The following NDST1 variants were observed in gnomAD, a reference collection of about 807,000 sequenced individuals.
NDST1 encodes bifunctional heparan sulfate N-deacetylase/N-sulfotransferase 1.
NDST1 carries 35 observed loss-of-function variants against 92.8 expected under a neutral mutation model. That is an observed-to-expected ratio of 0.38 (90% CI 0.29 to 0.50). The LOEUF (loss-of-function observed/expected upper bound fraction) is 0.50, where lower values mean the gene tolerates loss of function less well. Ranked by LOEUF, NDST1 falls within the 20% of genes least tolerant of loss-of-function variation. The pLI is 0.94. For synonymous variants in NDST1, 493 were observed against 500.3 expected, an observed-to-expected ratio of 0.99 and a Z score of 0.19; for missense variants, 822 against 1,182.7, an observed-to-expected ratio of 0.69 and a Z score of 4.47.
intron 5 of NDST1, 63 bp from the exon 6 acceptor site, chr5:150,535,637 G>T: frequency 6.3e-7 from 1 of 1,579,092 alleles, no homozygotes; most frequent in Non-Finnish European, 8.7e-7. Flanking sequence ...TCTACAAAGG[G>T]GGGATAAGGC....
chr5:150,545,991 C>CTTTTTTTTT (rs34937690), intron 11 of NDST1, among the ~76,000 whole-genome samples: 1 of 83,690 alleles, frequency 1.2e-5, no homozygotes, highest in Non-Finnish European at 2.3e-5. Context: ...CCAGAGCTGT[C>CTTTTTTTTT]TTTTTTTTTT....
Position 150,521,554 on chromosome 5 carries a change from G to A in NDST1, c.300G>A (p.Val100=). ...TCTACTCGCAACTGGGCCAGGAGGTGGTGGCCATCCTGGAGTCCAGCCGCT... is the reference window on the plus strand; with the variant it reads ...TCTACTCGCAACTGGGCCAGGAGGTAGTGGCCATCCTGGAGTCCAGCCGCT... ...ESLYSQLGQE[V]VAILESSRFK... Residue 100 remains valine (V), a synonymous_variant, in exon 2 of 15, where the codon GTG becomes GTA. Coordinates refer to ENST00000261797, the MANE Select transcript of NDST1 (RefSeq NM_001543.5). The surrounding 1 kb of genome is among the most constrained non-coding windows in gnomAD (Gnocchi z 5.9). 6.2e-7 allele frequency: 1 copy of A among 1,614,006 alleles called. No homozygotes were observed.
chr5:150,553,732 G>T lies in NDST1; in HGVS notation c.*400G>T. On this transcript the variant is annotated 3_prime_UTR_variant, in exon 15 of 15. Coordinates refer to ENST00000261797, the MANE Select transcript of NDST1 (RefSeq NM_001543.5). The surrounding 1 kb of genome is among the most constrained non-coding windows in gnomAD (Gnocchi z 4.2). Reference sequence around the variant, plus strand: ...GCTGCCATATGTCCCTGTCCTCCAGGCTGTAGGGGAGGAGAGCCTGGCCGG... The same window carrying T: ...GCTGCCATATGTCCCTGTCCTCCAGTCTGTAGGGGAGGAGAGCCTGGCCGG... The T allele has an allele frequency of 2.4e-6, 1 of 414,330 alleles. No homozygotes were observed. The highest frequency in any genetic ancestry group is 4.5e-6 in the Non-Finnish European group (1 of 219,914). The allele number at this position is 414,330 out of a possible 1,614,324, so 25.7% of individuals were successfully genotyped here.
chr5:150,554,220 G>C lies in NDST1; in HGVS notation c.*888G>C. The C allele has an allele frequency of 2.5e-6, 1 of 398,028 alleles. No homozygotes were observed. The highest frequency in any genetic ancestry group is 6.3e-4 in the Middle Eastern group (1 of 1,584). 24.7% of individuals were successfully genotyped at this position (398,028 alleles called of 1,614,324 possible). A position where few individuals can be genotyped will look rare whatever the true frequency, so the allele number is the denominator to read the frequency against. On this transcript the variant is annotated 3_prime_UTR_variant, in exon 15 of 15. Coordinates refer to ENST00000261797, the MANE Select transcript of NDST1 (RefSeq NM_001543.5). The stretch of plus-strand genomic sequence containing the variant: ...TTTGCTTAGCCACCTGTGGCCGAGG[G>C]CTCTCAGAGACCCCCTTAACCTCCC...
chr5:150,535,169 T>C, intron 5 of NDST1, 148 bp downstream of exon 5: 2 of 1,322,320 alleles, frequency 1.5e-6, no homozygotes, highest in Non-Finnish European at 2.1e-6. Context: ...GCTGCCTTTA[T>C]AGCCACTGTC....
intron 13 of NDST1, 34 bp from the exon 14 acceptor site, chr5:150,551,719 C>T (rs775535730): frequency 6.2e-7 from 1 of 1,608,882 alleles, no homozygotes; most frequent in Admixed American, 1.7e-5. Context: ...GTGGCTGAGC[C>T]AGCTCCCATC....
intron 4 of NDST1, among the ~76,000 whole-genome samples, chr5:150,534,568 C>G (rs996982564): frequency 6.6e-6 from 1 of 152,342 alleles, no homozygotes; most frequent in Admixed American, 6.5e-5. Flanking sequence ...GCAGGTATGT[C>G]AGAGGTAGAA....
chr5:150,541,134 C>T (rs1293749521), intron 8 of NDST1, among the ~76,000 whole-genome samples: 1 of 152,232 alleles, frequency 6.6e-6, no homozygotes, highest in Admixed American at 6.5e-5. Context: ...CAGACAGCCA[C>T]GCTCATTCTT....
intron 1 of NDST1, among the ~76,000 whole-genome samples, chr5:150,518,343 A>G (rs1207558310): frequency 6.7e-6 from 1 of 148,806 alleles, no homozygotes; most frequent in Admixed American, 6.8e-5. Flanking sequence ...GCAGATGCCT[A>G]TTTTCTTGGC....
intron 1 of NDST1, among the ~76,000 whole-genome samples, chr5:150,512,728 C>T (rs1434581814): frequency 6.6e-6 from 1 of 152,238 alleles, no homozygotes. Flanking sequence ...CTTATATTAC[C>T]ATGTGCCAGG....
chr5:150,519,929 G>A (rs1754164626), intron 1 of NDST1, among the ~76,000 whole-genome samples: 1 of 152,100 alleles, frequency 6.6e-6, no homozygotes, highest in African/African-American at 2.4e-5. Flanking sequence ...GGGGGAGGCT[G>A]GAACCCAGAG....
At position 150,523,762 on chromosome 5, in the gene NDST1, A is replaced by G. The variant is rs574835230; in HGVS notation, c.513+1995A>G. ...GGAGCTTGGGCGCTGTCTGGCCCCAATTCCTTGCTCTGCAGAAGGTAAACA... is the reference window on the plus strand; with the variant it reads ...GGAGCTTGGGCGCTGTCTGGCCCCAGTTCCTTGCTCTGCAGAAGGTAAACA... On this transcript the variant is annotated intron_variant, in intron 2 of 14. Coordinates refer to ENST00000261797, the MANE Select transcript of NDST1 (RefSeq NM_001543.5). Among the ~76,000 whole-genome samples the G allele has an allele frequency of 9.3e-4, 142 of 152,326 alleles. 3 individuals are homozygous for G. The highest frequency in any genetic ancestry group is 6.7e-3 in the Admixed American group (102 of 15,298).
At chr5:150,547,262 C>G (rs1259666939) in intron 11 of NDST1, among the ~76,000 whole-genome samples, 3 of 152,306 alleles carry the variant, frequency 2.0e-5, no homozygotes. Context: ...GACTCATTCT[C>G]CCCAGGAGGA....
At chr5:150,535,180 T>G (rs1754926473) in intron 5 of NDST1, 159 bp downstream of exon 5, 56 of 807,722 alleles carry the variant, frequency 6.9e-5, no homozygotes, top group Non-Finnish European at 8.2e-5. Flanking sequence ...AGCCACTGTC[T>G]CCTTGAAGCC....
At chr5:150,518,069 T>G (rs2151264730) in intron 1 of NDST1, among the ~76,000 whole-genome samples, 1 of 152,342 alleles carries the variant, frequency 6.6e-6, no homozygotes, top group East Asian at 1.9e-4. Context: ...CCAGGACACC[T>G]GCTCCTTCTT....
intron 9 of NDST1, among the ~76,000 whole-genome samples, chr5:150,542,340 G>A (rs1755282817): frequency 6.6e-6 from 1 of 152,188 alleles, no homozygotes; most frequent in South Asian, 2.1e-4. Flanking sequence ...GGTAGGGCAG[G>A]GTGCATGAGT....
At chr5:150,517,586 G>C (rs1344897213) in intron 1 of NDST1, among the ~76,000 whole-genome samples, 1 of 152,132 alleles carries the variant, frequency 6.6e-6, no homozygotes, top group African/African-American at 2.4e-5. Flanking sequence ...TACCATCGTC[G>C]TCTCATACAC....
Position 150,553,584 on chromosome 5 carries a change from G to A in NDST1, c.*252G>A. 1 of 492,734 alleles carries A rather than the reference G, an allele frequency of 2.0e-6. No individual in the cohort carries two copies. The highest frequency in any genetic ancestry group is 1.9e-5 in the African/African-American group (1 of 51,608). 30.5% of individuals were successfully genotyped at this position (492,734 alleles called of 1,614,324 possible). ...TCCATTCCGTTCCCAGCTGCTCCTG[G>A]GGAGGCCGCTTCCTGGTAGGAGGGA... On this transcript the variant is annotated 3_prime_UTR_variant, in exon 15 of 15. Coordinates refer to ENST00000261797, the MANE Select transcript of NDST1 (RefSeq NM_001543.5). This position sits in a 1 kb window ranked among gnomAD's most constrained non-coding sequence, Gnocchi z 4.2.
intron 1 of NDST1, among the ~76,000 whole-genome samples, chr5:150,518,265 G>A (rs187097984): frequency 6.6e-6 from 1 of 152,046 alleles, no homozygotes; most frequent in African/African-American, 2.4e-5. Flanking sequence ...TGCCAGAAGA[G>A]TTAAGGACCC....
Sources: gnomAD v4.1 joint callset for allele counts (sites outside exome capture counted in the v4.1 genomes callset) on GRCh38, gnomAD v4.1.1 for gene constraint, Gnocchi (gnomAD v3.1) non-coding constraint, MANE v1.5 for transcripts, NCBI Gene and HGNC (gene_info 2026-07-23, HGNC 2026-07-21) for gene names.